THBS1: variants seen among roughly 807,000 people sequenced by gnomAD.
THBS1 encodes thrombospondin-1.
A neutral mutation model predicts 126.1 loss-of-function variants in THBS1; 29 were observed. That is an observed-to-expected ratio of 0.23 (90% CI 0.17 to 0.31). The LOEUF (loss-of-function observed/expected upper bound fraction) is 0.31, where lower values mean the gene tolerates loss of function less well. Ranked by LOEUF, THBS1 falls within the 10% of genes least tolerant of loss-of-function variation. THBS1 has a pLI of 1.00. For missense variants in THBS1, 1,198 were observed against 1,545.2 expected (o/e 0.78, Z 3.77); for synonymous variants, 496 against 577.8 (o/e 0.86, Z 2.03).
intron 7 of THBS1, among the ~76,000 whole-genome samples, chr15:39,586,182 GGAA>G (rs1424890292): frequency 3.3e-5 from 5 of 152,092 alleles, no homozygotes. Flanking sequence ...ACTAAGATAA[GGAA>G]GAAAACAGGA....
intron 8 of THBS1, 103 bp from the exon 9 acceptor site, chr15:39,587,939 C>T: frequency 8.6e-7 from 1 of 1,166,582 alleles, no homozygotes; most frequent in South Asian, 1.5e-5. Context: ...GTTTAGTTGC[C>T]ATTGACCATT....
Position 39,582,364 on chromosome 15 carries a change from A to C in THBS1, c.239A>C (p.Asp80Ala), listed in dbSNP as rs992191532. The C allele has an allele frequency of 3.1e-6, 5 of 1,614,168 alleles. No individual in the cohort carries two copies. The highest frequency in any genetic ancestry group is 4.2e-6 in the Non-Finnish European group (5 of 1,180,032). Residue 80 changes from aspartate to alanine, a missense_variant, in exon 3 of 22, where the codon GAT becomes GCT. Coordinates refer to ENST00000260356, the MANE Select transcript of THBS1 (RefSeq NM_003246.4). The stretch of plus-strand genomic sequence containing the variant: ...GATGACAAGTTCCAAGACCTGGTGG[A>C]TGCTGTGCGGGCAGAAAAGGGTTTC... ...VPDDKFQDLV[D>A]AVRAEKGFLL...
At chr15:39,583,556 C>CCCCAAA in intron 3 of THBS1, 61 bp from the exon 4 acceptor site, 5 of 1,117,820 alleles carry the variant, frequency 4.5e-6, no homozygotes, top group East Asian at 2.4e-5. Flanking sequence ...AGACAGTCTC[C>CCCCAAA]CCCAACCCCA....
At position 39,592,946 on chromosome 15, in the gene THBS1, GTAA is replaced by G. The variant is rs1475894061; in HGVS notation, c.2768-45_2768-43del. The G allele has an allele frequency of 2.5e-6, 4 of 1,582,530 alleles. No individual in the cohort carries two copies. Among genetic ancestry groups the G allele is most frequent in the African/African-American group, 1.3e-5 (1 of 74,412 alleles). ...CAAGATAGTGACATTTCTGACACCA[GTAA>G]TAATAATAGCACTTTAGAATTTTGC... is the stretch of plus-strand genomic sequence containing the variant. On this transcript the variant is annotated intron_variant, in intron 17 of 21. Coordinates refer to ENST00000260356, the MANE Select transcript of THBS1 (RefSeq NM_003246.4). This position sits in a 1 kb window ranked among gnomAD's most constrained non-coding sequence, Gnocchi z 4.3.
At chr15:39,581,579 A>G (rs1466780247) in intron 1 of THBS1, 3 of 401,794 alleles carry the variant, frequency 7.5e-6, no homozygotes, top group Non-Finnish European at 1.4e-5. Flanking sequence ...ACTTCCCAAA[A>G]GCCCCCAAAT....
At position 39,593,988 on chromosome 15, in the gene THBS1, C is replaced by A. The variant is rs577659525; in HGVS notation, c.3268-111C>A. On this transcript the variant is annotated intron_variant, in intron 19 of 21. Coordinates refer to ENST00000260356, the MANE Select transcript of THBS1 (RefSeq NM_003246.4). The surrounding 1 kb of genome is among the most constrained non-coding windows in gnomAD (Gnocchi z 5.9). ...CTTGGAAAAATTCCCCATTGCAGCCCTCTAACTTAGATCAGCTCAGTACCT... is the reference window on the plus strand; with the variant it reads ...CTTGGAAAAATTCCCCATTGCAGCCATCTAACTTAGATCAGCTCAGTACCT... The A allele has an allele frequency of 8.3e-7, 1 of 1,203,154 alleles. No homozygotes were observed. The highest frequency in any genetic ancestry group is 1.6e-5 in the South Asian group (1 of 64,420). 74.5% of individuals were successfully genotyped at this position (1,203,154 alleles called of 1,614,324 possible).
rs1410156485 is a variant in THBS1, at chr15:39,596,988, T to C, written c.*1619T>C. The stretch of plus-strand genomic sequence containing the variant: ...GCTACTGTAGTACCTAAAAAGTCAG[T>C]GTTGTACATAGCATAAAAACTCTGC... On this transcript the variant is annotated 3_prime_UTR_variant, in exon 22 of 22. Transcript: ENST00000260356. The C allele has an allele frequency of 6.6e-6, 1 of 152,238 alleles. No homozygotes were observed. The highest frequency in any genetic ancestry group is 1.5e-5 in the Non-Finnish European group (1 of 68,034). The allele number at this position is 152,238 out of a possible 1,614,324, so 9.4% of individuals were successfully genotyped here.
intron 7 of THBS1, 92 bp from the exon 8 acceptor site, chr15:39,587,255 C>A: frequency 7.7e-7 from 1 of 1,290,898 alleles, no homozygotes; most frequent in Non-Finnish European, 1.1e-6. Flanking sequence ...TGCTTTTCAC[C>A]CTCTGGCAAG....
intron 7 of THBS1, chr15:39,587,131 C>A: frequency 2.5e-6 from 1 of 395,988 alleles, no homozygotes; most frequent in Non-Finnish European, 4.5e-6. Flanking sequence ...TGTTAATTAG[C>A]TTGACGGTGG....
chr15:39,582,890 G>T, intron 3 of THBS1, 138 bp downstream of exon 3: 4 of 1,025,126 alleles, frequency 3.9e-6, no homozygotes, highest in Non-Finnish European at 5.5e-6. Context: ...TCACCTGGAG[G>T]GCTTGTGAAA....
intron 10 of THBS1, 99 bp from the exon 11 acceptor site, chr15:39,588,860 A>G: frequency 6.2e-7 from 1 of 1,605,310 alleles, no homozygotes; most frequent in South Asian, 1.1e-5. Flanking sequence ...TCGGTTCCCT[A>G]TACCCTATAA....
intron 21 of THBS1, among the ~76,000 whole-genome samples, chr15:39,595,029 T>C (rs1890406114): frequency 6.6e-6 from 1 of 152,312 alleles, no homozygotes; most frequent in Middle Eastern, 3.4e-3. Flanking sequence ...TCAATGACAG[T>C]AGAGAAAGAT....
Position 39,588,673 on chromosome 15 carries a change from T to A in THBS1, c.1619T>A (p.Ile540Asn). Residue 540 changes from isoleucine to asparagine, a missense_variant, in exon 10 of 22, where the codon ATC (isoleucine) becomes AAC (asparagine). This residue lies in a region of THBS1 where 663 missense variants were observed against 860.1 expected (regional missense o/e 0.77). Transcript: ENST00000260356. The stretch of plus-strand genomic sequence containing the variant: ...GTTGGTGATGTAACAGAAAACCAGA[T>A]CTGCAACAAGCAGGACTGTCCAATT... ...DCVGDVTENQICNKQDCPIDG... is the reference protein window; with the variant it reads ...DCVGDVTENQNCNKQDCPIDG... 3 of 1,596,650 alleles carry A rather than the reference T, an allele frequency of 1.9e-6. No individual in the cohort carries two copies. Among genetic ancestry groups the A allele is most frequent in the Non-Finnish European group, 1.7e-6 (2 of 1,172,906 alleles).
intron 13 of THBS1, 38 bp downstream of exon 13, chr15:39,590,061 C>G: frequency 6.7e-7 from 1 of 1,485,982 alleles, no homozygotes; most frequent in African/African-American, 1.4e-5. Flanking sequence ...AGAAAGAGGG[C>G]CCATCACCTT....
At chr15:39,583,741 CACCAAA>C in intron 4 of THBS1, 49 bp downstream of exon 4, 1 of 1,569,254 alleles carries the variant, frequency 6.4e-7, no homozygotes, top group East Asian at 2.2e-5. Context: ...GGGGGAATTC[CACCAAA>C]AACAAACTGA....
rs548980707 is a variant in THBS1, at chr15:39,587,864, G to A, written c.1295-178G>A. ...AAAACAGCGAACTTATCCGTTCTCT[G>A]GTAGAAAACATTCCATGTTGACATT... On this transcript the variant is annotated intron_variant, in intron 8 of 21. Transcript: ENST00000260356. Among the ~76,000 whole-genome samples the A allele has an allele frequency of 7.2e-5, 11 of 152,304 alleles. No homozygotes were observed. In the South Asian group the frequency reaches 2.1e-3, roughly 29 times the overall value.
chr15:39,592,668 C>T lies in THBS1; in HGVS notation c.2633C>T (p.Pro878Leu). The change falls in exon 17 of 22, where the codon CCC becomes CTC. Residue 878 changes from proline (P) to leucine (L), a missense_variant. By Grantham distance (98) the Pro-to-Leu change is moderately conservative. Transcript: ENST00000260356. The surrounding 1 kb of genome is among the most constrained non-coding windows in gnomAD (Gnocchi z 4.3). ...QNNLDNCPYV[P>L]NANQADHDKD... Reference sequence around the variant, plus strand: ...AATCTGGACAACTGTCCCTATGTGCCCAATGCCAACCAGGCTGACCATGAC... The same window carrying T: ...AATCTGGACAACTGTCCCTATGTGCTCAATGCCAACCAGGCTGACCATGAC... The T allele has an allele frequency of 6.2e-7, 1 of 1,614,166 alleles. No individual in the cohort carries two copies. Among genetic ancestry groups the T allele is most frequent in the Non-Finnish European group, 8.5e-7 (1 of 1,180,032 alleles).
At position 39,592,576 on chromosome 15, in the gene THBS1, T is replaced by C. The variant is rs758052859; in HGVS notation, c.2541T>C (p.Ser847=). 1 of 1,612,650 alleles carries C rather than the reference T, an allele frequency of 6.2e-7. No individual in the cohort carries two copies. The highest frequency in any genetic ancestry group is 1.1e-5 in the South Asian group (1 of 90,688). Reference sequence around the variant, plus strand: ...TTACATCTCTCTTTCAGCTGGACTCTGACTCAGACCGCATTGGAGATACCT... The same window carrying C: ...TTACATCTCTCTTTCAGCTGGACTCCGACTCAGACCGCATTGGAGATACCT... ...PLEHNPDQLD[S]DSDRIGDTCD... Residue 847 remains serine, a synonymous_variant, in exon 17 of 22, where the codon TCT becomes TCC. Transcript: ENST00000260356. The surrounding 1 kb of genome is among the most constrained non-coding windows in gnomAD (Gnocchi z 4.3).
chr15:39,587,639 C>G, intron 8 of THBS1, 119 bp downstream of exon 8: 1 of 1,094,480 alleles, frequency 9.1e-7, no homozygotes, highest in Admixed American at 2.6e-5. Flanking sequence ...GGATCCCAAT[C>G]CCACTGCTTA....
Sources: gnomAD v4.1 joint callset for allele counts (sites outside exome capture counted in the v4.1 genomes callset) on GRCh38, gnomAD v4.1.1 for gene constraint, gnomAD v4.1.1 regional missense constraint, Gnocchi (gnomAD v3.1) non-coding constraint, MANE v1.5 for transcripts, NCBI Gene and HGNC (gene_info 2026-07-23, HGNC 2026-07-21) for gene names.